NKAIN3: variants seen among roughly 807,000 people sequenced by gnomAD.
The protein encoded by NKAIN3 is sodium/potassium-transporting ATPase subunit beta-1-interacting protein 3.
In NKAIN3, 25 loss-of-function variants were observed where a neutral mutation model predicts 30.2. The observed-to-expected ratio is 0.83, with a 90% CI of 0.60 to 1.16. The LOEUF is 1.16. Ranked by LOEUF, NKAIN3 falls within the 50% of genes most tolerant of loss-of-function variation. The pLI is 0.00. For missense variants in NKAIN3, 225 were observed against 254.1 expected (o/e 0.89, Z 0.78); for synonymous variants, 91 against 89.6 (o/e 1.02, Z -0.09).
At chr8:62,328,297 G>A (rs188560298) in intron 1 of NKAIN3, among the ~76,000 whole-genome samples, 2 of 152,208 alleles carry the variant, frequency 1.3e-5, no homozygotes, top group Non-Finnish European at 1.5e-5. Flanking sequence ...AGGTAATATA[G>A]TTCAATATAC....
chr8:62,855,146 CT>C, intron 4 of NKAIN3: 1 of 233,304 alleles, frequency 4.3e-6, no homozygotes, highest in Non-Finnish European at 8.6e-6. Flanking sequence ...AGGACTACAC[CT>C]TCACCGTGGC....
chr8:62,443,648 G>T (rs956554033), intron 1 of NKAIN3, among the ~76,000 whole-genome samples: 6 of 152,102 alleles, frequency 3.9e-5, no homozygotes, highest in Non-Finnish European at 7.4e-5. Flanking sequence ...CTCCCAAAGT[G>T]CTGGGATTTA....
chr8:62,441,819 C>A (rs2129598256), intron 1 of NKAIN3, among the ~76,000 whole-genome samples: 1 of 152,022 alleles, frequency 6.6e-6, no homozygotes, highest in East Asian at 1.9e-4. Context: ...TTTATCTCAT[C>A]CCCTCCTTTA....
At chr8:62,474,285 G>A (rs1210719686) in intron 1 of NKAIN3, 1 of 152,224 alleles carries the variant, frequency 6.6e-6, no homozygotes, top group East Asian at 1.9e-4. Context: ...CTAAGCACCA[G>A]AGGGACAAAC....
intron 1 of NKAIN3, among the ~76,000 whole-genome samples, chr8:62,270,524 C>T (rs1275930214): frequency 1.3e-5 from 2 of 151,926 alleles, no homozygotes; most frequent in African/African-American, 2.4e-5. Flanking sequence ...ATAATTAAAT[C>T]GAATTAATGC....
chr8:62,876,769 C>T (rs1318190753), intron 4 of NKAIN3, among the ~76,000 whole-genome samples: 1 of 151,924 alleles, frequency 6.6e-6, no homozygotes, highest in African/African-American at 2.4e-5. Context: ...ACATTGAGAA[C>T]TCATGGACAC....
chr8:62,990,361 T>C (rs771600867), intron 5 of NKAIN3: 3 of 1,290,128 alleles, frequency 2.3e-6, no homozygotes, highest in Non-Finnish European at 3.0e-6. Flanking sequence ...CTAATCTTTC[T>C]AGTGCAGTCT....
intron 4 of NKAIN3, among the ~76,000 whole-genome samples, chr8:62,894,180 T>C (rs1283840294): frequency 1.3e-5 from 2 of 152,172 alleles, no homozygotes; most frequent in African/African-American, 4.8e-5. Context: ...ATAGTGATCC[T>C]GATGTAAATT....
chr8:62,791,634 T>G (rs1307639278), intron 4 of NKAIN3, among the ~76,000 whole-genome samples: 4 of 152,134 alleles, frequency 2.6e-5, no homozygotes, highest in Non-Finnish European at 2.9e-5. Context: ...ATATCCTGAT[T>G]GATACCAGTT....
In NKAIN3 at chr8:62,967,635, C is replaced by T. The variant is rs1183713652; in HGVS notation, c.*2228C>T. On this transcript the variant is annotated 3_prime_UTR_variant, in exon 7 of 7. Coordinates refer to ENST00000623646, the MANE Select transcript of NKAIN3 (RefSeq NM_001304533.3). ...AAAAAATGCTTTAATTTAAAAATAA[C>T]ATTAATATTCAAGTTCCAAAACTAA... Among the ~76,000 whole-genome samples, 1 of 152,032 alleles carries T rather than the reference C, an allele frequency of 6.6e-6. No homozygotes were observed. The highest frequency in any genetic ancestry group is 2.4e-5 in the African/African-American group (1 of 41,396).
intron 4 of NKAIN3, chr8:62,855,342 C>A: frequency 1.6e-6 from 1 of 632,002 alleles, no homozygotes; most frequent in South Asian, 1.8e-5. Context: ...TCCAGCAGCT[C>A]CTGCTTCTTC....
intron 4 of NKAIN3, among the ~76,000 whole-genome samples, chr8:62,892,639 T>C (rs1256466995): frequency 2.0e-5 from 3 of 152,140 alleles, no homozygotes; most frequent in African/African-American, 7.2e-5. Flanking sequence ...CTCTTAAATA[T>C]AAAGATTAGA....
intron 4 of NKAIN3, among the ~76,000 whole-genome samples, chr8:62,766,700 C>G (rs920872036): frequency 1.3e-5 from 2 of 152,104 alleles, no homozygotes; most frequent in African/African-American, 4.8e-5. Context: ...GGCTCAATTC[C>G]CTGGAGATTT....
intron 1 of NKAIN3, among the ~76,000 whole-genome samples, chr8:62,470,565 A>G (rs1402961510): frequency 6.6e-6 from 1 of 152,120 alleles, no homozygotes; most frequent in Non-Finnish European, 1.5e-5. Context: ...TTAAGTCAAC[A>G]TTTTCACAAA....
intron 1 of NKAIN3, among the ~76,000 whole-genome samples, chr8:62,570,116 G>C (rs1332032972): frequency 6.6e-6 from 1 of 152,180 alleles, no homozygotes; most frequent in Non-Finnish European, 1.5e-5. Context: ...GAGAGTAAAA[G>C]GCAGCTCACT....
chr8:62,505,965 C>A (rs1807621319), intron 1 of NKAIN3, among the ~76,000 whole-genome samples: 1 of 152,012 alleles, frequency 6.6e-6, no homozygotes, highest in South Asian at 2.1e-4. Context: ...AAGAGGCAAC[C>A]CATATTCCTT....
At chr8:62,327,828 T>C (rs72649371) in intron 1 of NKAIN3, among the ~76,000 whole-genome samples, 1 of 152,210 alleles carries the variant, frequency 6.6e-6, no homozygotes, top group Non-Finnish European at 1.5e-5. Flanking sequence ...GTCATTGAGA[T>C]TTTGATAGGA....
At chr8:62,810,483 G>A (rs1818452337) in intron 4 of NKAIN3, among the ~76,000 whole-genome samples, 1 of 151,960 alleles carries the variant, frequency 6.6e-6, no homozygotes, top group Non-Finnish European at 1.5e-5. Context: ...GACTCCATGG[G>A]CTTCAGTTTT....
At chr8:62,885,652 T>A (rs1467508359) in intron 4 of NKAIN3, among the ~76,000 whole-genome samples, 1 of 152,224 alleles carries the variant, frequency 6.6e-6, no homozygotes, top group Non-Finnish European at 1.5e-5. Flanking sequence ...CTCACATATG[T>A]TGATGCTCTT....
Sources: allele counts gnomAD v4.1 joint callset (sites outside exome capture counted in the v4.1 genomes callset), GRCh38; gene constraint gnomAD v4.1.1; transcripts MANE v1.5; gene names NCBI Gene and HGNC (gene_info 2026-07-23, HGNC 2026-07-21).